Variants in KCNQ1 observed in about 807,000 individuals in gnomAD.
KCNQ1 encodes potassium voltage-gated channel subfamily Q member 1.
In KCNQ1, 49 loss-of-function variants were observed where a neutral mutation model predicts 72.4. That is an observed-to-expected ratio of 0.68 (90% CI 0.54 to 0.86). The LOEUF is 0.86. KCNQ1 is among the 40% of genes least tolerant of loss of function. The pLI is 0.00. For synonymous variants in KCNQ1, 450 were observed against 412.6 expected, an observed-to-expected ratio of 1.09 and a Z score of -1.10; for missense variants, 790 against 945.1, an observed-to-expected ratio of 0.84 and a Z score of 2.15.
Position 2,695,729 on chromosome 11 carries a change from A to G in KCNQ1, c.1514+33648A>G, listed in dbSNP as rs957952043. On this transcript the variant is annotated intron_variant, in intron 11 of 15. Transcript: ENST00000155840. The surrounding 1 kb of genome is among the most constrained non-coding windows in gnomAD (Gnocchi z 5.2). ...GTCTCCGTCCCCACCTGCAGCACAC[A>G]GGGAGGCTTGTTCCTTGCCTTCTGC... The G allele has an allele frequency of 7.5e-6, 3 of 398,550 alleles. No individual in the cohort carries two copies. Among genetic ancestry groups the G allele is most frequent in the African/African-American group, 2.1e-5 (1 of 48,640 alleles). The allele number at this position is 398,550 out of a possible 1,614,324, so 24.7% of individuals were successfully genotyped here. A position where few individuals can be genotyped will look rare whatever the true frequency, so the allele number is the denominator to read the frequency against.
At chr11:2,634,073 T>C (rs1849408554) in intron 10 of KCNQ1, 1 of 398,542 alleles carries the variant, frequency 2.5e-6, no homozygotes, top group African/African-American at 2.1e-5. Flanking sequence ...TTGTGGTCTT[T>C]TGTGGTTCCA....
chr11:2,533,492 G>C (rs1381485307), intron 2 of KCNQ1, among the ~76,000 whole-genome samples: 1 of 152,240 alleles, frequency 6.6e-6, no homozygotes, highest in Non-Finnish European at 1.5e-5. Context: ...ACGTGTGTAC[G>C]TACGTGCATG....
rs1847134790 is a variant in KCNQ1 at position 2,508,133 on chromosome 11, G to A, written c.387-19795G>A. Among the ~76,000 whole-genome samples, 2 of 152,152 alleles carry A rather than the reference G, an allele frequency of 1.3e-5. No homozygotes were observed. The highest frequency in any genetic ancestry group is 6.5e-5 in the Admixed American group (1 of 15,288). On this transcript the variant is annotated intron_variant, in intron 1 of 15. Transcript: ENST00000155840. This position sits in a 1 kb window ranked among gnomAD's most constrained non-coding sequence, Gnocchi z 6.2. Reference sequence around the variant, plus strand: ...GGGGTCTGTGTTGCCTTGGCCCCACGGCAGTGGAGCTGGGGTTTCCCAGGG... The same window carrying A: ...GGGGTCTGTGTTGCCTTGGCCCCACAGCAGTGGAGCTGGGGTTTCCCAGGG...
rs1265757625 is a variant in KCNQ1, at chr11:2,565,040, T to G, written c.478-5588T>G. On this transcript the variant is annotated intron_variant, in intron 2 of 15. Transcript: ENST00000155840. This position sits in a 1 kb window ranked among gnomAD's most constrained non-coding sequence, Gnocchi z 5.6. ...TTGGCTGTTGTGAATGTTGCTGCTG[T>G]GGACATGGGTGTGTATGGATCTCCT... Among the ~76,000 whole-genome samples the G allele has an allele frequency of 6.6e-6, 1 of 152,232 alleles. No individual in the cohort carries two copies. Among genetic ancestry groups the G allele is most frequent in the East Asian group, 1.9e-4 (1 of 5,202 alleles).
rs1460161586 is a variant in KCNQ1, at chr11:2,598,398, C to A, written c.1393+9544C>A. Among the ~76,000 whole-genome samples, 2 of 152,084 alleles carry A rather than the reference C, an allele frequency of 1.3e-5. No homozygotes were observed. Among genetic ancestry groups the A allele is most frequent in the Non-Finnish European group, 2.9e-5 (2 of 68,014 alleles). On this transcript the variant is annotated intron_variant, in intron 10 of 15. Coordinates refer to ENST00000155840, the MANE Select transcript of KCNQ1 (RefSeq NM_000218.3). The surrounding 1 kb of genome is among the most constrained non-coding windows in gnomAD (Gnocchi z 6.2). ...TGAAAGGATGTAGCCTATGAAGTCT[C>A]CACTTTTTTTAAAATGAAGATTTTC... is the stretch of plus-strand genomic sequence containing the variant.
chr11:2,534,636 G>T (rs1847699386), intron 2 of KCNQ1, among the ~76,000 whole-genome samples: 2 of 152,228 alleles, frequency 1.3e-5, no homozygotes, highest in South Asian at 4.1e-4. Context: ...CCTCCTCAGG[G>T]CTGCAGGGTG....
chr11:2,668,154 T>C lies in KCNQ1; in HGVS notation c.1514+6073T>C. 1 of 398,630 alleles carries C rather than the reference T, an allele frequency of 2.5e-6. No individual in the cohort carries two copies. The allele number at this position is 398,630 out of a possible 1,614,324, so 24.7% of individuals were successfully genotyped here. A position where few individuals can be genotyped will look rare whatever the true frequency, so the allele number is the denominator to read the frequency against. On this transcript the variant is annotated intron_variant, in intron 11 of 15. Coordinates refer to ENST00000155840, the MANE Select transcript of KCNQ1 (RefSeq NM_000218.3). This position sits in a 1 kb window ranked among gnomAD's most constrained non-coding sequence, Gnocchi z 4.3. Reference sequence around the variant, plus strand: ...CTCTATGGGGCTGAAGGGAGAGTGCTCCCTCATGCTCCTTGCTGACTGGTG... The same window carrying C: ...CTCTATGGGGCTGAAGGGAGAGTGCCCCCTCATGCTCCTTGCTGACTGGTG...
At chr11:2,697,648 T>C (rs1590038966) in intron 11 of KCNQ1, 1 of 398,616 alleles carries the variant, frequency 2.5e-6, no homozygotes, top group East Asian at 3.6e-5. Flanking sequence ...TTTTCTCCTG[T>C]AGCCTCTTAA....
intron 10 of KCNQ1, among the ~76,000 whole-genome samples, chr11:2,590,156 G>C (rs1848652198): frequency 6.6e-6 from 1 of 152,190 alleles, no homozygotes; most frequent in Admixed American, 6.5e-5. Context: ...CCAGCGTGGG[G>C]TATTTGAGAT....
rs120074185 is a variant in KCNQ1, at chr11:2,776,032, C to T, written c.1663C>T (p.Arg555Cys). ...GCAGGGCCACCTCAACCTCATGGTG[C>T]GCATCAAGGAGCTGCAGAGGAGGTG... is the stretch of plus-strand genomic sequence containing the variant. Reference protein sequence around the residue: ...YSQGHLNLMVRIKELQRRLDQ... With the variant: ...YSQGHLNLMVCIKELQRRLDQ... The change falls in exon 13 of 16, where the codon CGC becomes TGC. Residue 555 changes from arginine (R) to cysteine (C), a missense_variant. Coordinates refer to ENST00000155840, the MANE Select transcript of KCNQ1 (RefSeq NM_000218.3). 3.8e-6 allele frequency: 6 copies of T among 1,568,650 alleles called. No individual in the cohort carries two copies. Among genetic ancestry groups the T allele is most frequent in the Non-Finnish European group, 4.3e-6 (5 of 1,156,998 alleles).
intron 15 of KCNQ1, among the ~76,000 whole-genome samples, chr11:2,839,246 T>C (rs1041627878): frequency 2.0e-5 from 3 of 152,090 alleles, no homozygotes; most frequent in Non-Finnish European, 2.9e-5. Context: ...CCCAGGCCCC[T>C]TCCAAGGGAA....
intron 15 of KCNQ1, among the ~76,000 whole-genome samples, chr11:2,780,256 A>G (rs893473498): frequency 3.3e-5 from 5 of 152,094 alleles, no homozygotes; most frequent in African/African-American, 2.4e-5. Context: ...TCAGGGACAG[A>G]CCCTAGGAAA....
chr11:2,512,689 G>T (rs779063846), intron 1 of KCNQ1, among the ~76,000 whole-genome samples: 1 of 152,206 alleles, frequency 6.6e-6, no homozygotes, highest in Non-Finnish European at 1.5e-5. Context: ...CTGGGTGTCT[G>T]GGGCCACACT....
In KCNQ1 at chr11:2,626,401, A is replaced by G; in HGVS notation, c.1394-35560A>G. ...ACTTTCCCTATTGAATGGTCTTGGC[A>G]CTCTTCTCAGGAATCATTTGATCAT... On this transcript the variant is annotated intron_variant, in intron 10 of 15. Coordinates refer to ENST00000155840, the MANE Select transcript of KCNQ1 (RefSeq NM_000218.3). This position sits in a 1 kb window ranked among gnomAD's most constrained non-coding sequence, Gnocchi z 4.0. The G allele has an allele frequency of 2.5e-6, 1 of 398,402 alleles. No homozygotes were observed. Among genetic ancestry groups the G allele is most frequent in the Non-Finnish European group, 4.4e-6 (1 of 226,036 alleles). 24.7% of individuals were successfully genotyped at this position (398,402 alleles called of 1,614,324 possible).
intron 10 of KCNQ1, chr11:2,636,538 C>G (rs1433522262): frequency 6.6e-6 from 1 of 152,184 alleles, no homozygotes; most frequent in Admixed American, 6.5e-5. Flanking sequence ...ATGAAGCCCA[C>G]TTGATCATGG....
chr11:2,449,910 G>C (rs1397489743), intron 1 of KCNQ1, among the ~76,000 whole-genome samples: 1 of 152,156 alleles, frequency 6.6e-6, no homozygotes, highest in Non-Finnish European at 1.5e-5. Context: ...TAACAGGGCA[G>C]CGGGTCCAGG....
At position 2,787,933 on chromosome 11, in the gene KCNQ1, T is replaced by C. The variant is rs567670386; in HGVS notation, c.1794+9896T>C. Among the ~76,000 whole-genome samples, 1 of 152,222 alleles carries C rather than the reference T, an allele frequency of 6.6e-6. No homozygotes were observed. The highest frequency in any genetic ancestry group is 1.5e-5 in the Non-Finnish European group (1 of 68,038). ...GGATCTCAGTCACCACTTTTTTAAG[T>C]GCTGTGCCACACAGATTCAGCTATG... On this transcript the variant is annotated intron_variant, in intron 15 of 15. Coordinates refer to ENST00000155840, the MANE Select transcript of KCNQ1 (RefSeq NM_000218.3). This position sits in a 1 kb window ranked among gnomAD's most constrained non-coding sequence, Gnocchi z 6.3.
At chr11:2,721,884 G>A (rs879463663) in intron 11 of KCNQ1, among the ~76,000 whole-genome samples, 8 of 152,226 alleles carry the variant, frequency 5.3e-5, no homozygotes, top group Non-Finnish European at 1.0e-4. Flanking sequence ...CTTTGCCAGT[G>A]CAGGGAGACC....
chr11:2,751,864 G>A (rs754285704), intron 11 of KCNQ1, among the ~76,000 whole-genome samples: 2 of 152,218 alleles, frequency 1.3e-5, no homozygotes, highest in Non-Finnish European at 2.9e-5. Context: ...AGAACATGAG[G>A]CCCGGCCAGC....
Sources: gnomAD v4.1 joint callset for allele counts (sites outside exome capture counted in the v4.1 genomes callset) on GRCh38, gnomAD v4.1.1 for gene constraint, Gnocchi (gnomAD v3.1) non-coding constraint, MANE v1.5 for transcripts, NCBI Gene and HGNC (gene_info 2026-07-23, HGNC 2026-07-21) for gene names.